The following CACNA1D variants were observed in gnomAD, a reference collection of about 807,000 sequenced individuals.
CACNA1D encodes the protein calcium voltage-gated channel subunit alpha1 D.
In CACNA1D, 55 loss-of-function variants were observed where a neutral mutation model predicts 257.1. That is an observed-to-expected ratio of 0.21 (90% confidence interval 0.17 to 0.27). The LOEUF is 0.27. Ranked by LOEUF, CACNA1D falls within the 10% of genes least tolerant of loss-of-function variation. The pLI is 1.00. For missense variants in CACNA1D, 1,876 were observed against 2,784.0 expected (o/e 0.67, Z 7.34); for synonymous variants, 980 against 1,014.9 (o/e 0.97, Z 0.65).
Position 53,800,885 on chromosome 3 carries a change from C to A in CACNA1D, c.5041-173C>A. On this transcript the variant is annotated intron_variant, in intron 41 of 47. Transcript: ENST00000350061. This position sits in a 1 kb window ranked among gnomAD's most constrained non-coding sequence, Gnocchi z 4.3. Reference sequence around the variant, plus strand: ...GTAACCTTCCTCATCTCGGGGGGACCAACTGCCACACAGTCACATTCACCC... The same window carrying A: ...GTAACCTTCCTCATCTCGGGGGGACAAACTGCCACACAGTCACATTCACCC... The A allele has an allele frequency of 1.5e-6, 1 of 677,232 alleles. No individual in the cohort carries two copies. Among genetic ancestry groups the A allele is most frequent in the Non-Finnish European group, 2.6e-6 (1 of 383,836 alleles). The allele number at this position is 677,232 out of a possible 1,614,324, so 42.0% of individuals were successfully genotyped here.
At chr3:53,532,124 G>A (rs372966809) in intron 3 of CACNA1D, among the ~76,000 whole-genome samples, 11 of 152,240 alleles carry the variant, frequency 7.2e-5, no homozygotes, top group South Asian at 4.2e-4. Flanking sequence ...CTGAATTGTC[G>A]CAAAGTTATG....
In CACNA1D at chr3:53,555,213, G is replaced by A. The variant is rs117865218; in HGVS notation, c.483+53493G>A. ...AGACTTATCAAACATTTAGTGTCAC[G>A]GGCTTGTGAGATGAATCAATGCTGG... On this transcript the variant is annotated intron_variant, in intron 3 of 47. Transcript: ENST00000350061. 8.4e-3 allele frequency among the ~76,000 whole-genome samples: 1,282 copies of A among 152,228 alleles called. 93 individuals are homozygous for A. In the South Asian group the frequency reaches 0.16, roughly 19 times the overall value.
At chr3:53,722,798 A>G (rs1443568782) in intron 12 of CACNA1D, among the ~76,000 whole-genome samples, 1 of 152,144 alleles carries the variant, frequency 6.6e-6, no homozygotes, top group African/African-American at 2.4e-5. Context: ...ATTTTCCCCT[A>G]TAGTACTTCT....
intron 3 of CACNA1D, among the ~76,000 whole-genome samples, chr3:53,581,105 G>A (rs1461420793): frequency 2.6e-5 from 4 of 152,148 alleles, no homozygotes; most frequent in East Asian, 1.9e-4. Flanking sequence ...TCTTGAAGGT[G>A]GTTTATCCAG....
intron 3 of CACNA1D, among the ~76,000 whole-genome samples, chr3:53,527,900 A>G (rs980440460): frequency 6.6e-6 from 1 of 152,244 alleles, no homozygotes; most frequent in Non-Finnish European, 1.5e-5. Context: ...TGATCTGTCC[A>G]TGAGTGTAGG....
At chr3:53,726,847 A>C in intron 14 of CACNA1D, 32 bp from the exon 15 acceptor site, 1 of 1,614,098 alleles carries the variant, frequency 6.2e-7, no homozygotes, top group South Asian at 1.1e-5. Context: ...TTGTGAATCC[A>C]CCTGCTGGCT....
intron 3 of CACNA1D, among the ~76,000 whole-genome samples, chr3:53,505,763 G>T (rs1398056592): frequency 2.0e-5 from 3 of 152,218 alleles, no homozygotes; most frequent in Non-Finnish European, 4.4e-5. Flanking sequence ...TTTCATAGCA[G>T]AGCAGTCTAG....
chr3:53,749,702 T>A (rs1012873633), intron 27 of CACNA1D, among the ~76,000 whole-genome samples: 1 of 152,224 alleles, frequency 6.6e-6, no homozygotes, highest in African/African-American at 2.4e-5. Flanking sequence ...GACCTGGTGG[T>A]ATGAAATCAG....
rs190845011 is a variant in CACNA1D at position 53,793,119 on chromosome 3, C to A, written c.4923+6167C>A. Among the ~76,000 whole-genome samples, 6 of 152,320 alleles carry A rather than the reference C, an allele frequency of 3.9e-5. No homozygotes were observed. The East Asian group carries it at 1.2e-3, about 29-fold the overall frequency. On this transcript the variant is annotated intron_variant, in intron 40 of 47. Transcript: ENST00000350061. This position sits in a 1 kb window ranked among gnomAD's most constrained non-coding sequence, Gnocchi z 4.1. ...GTATCAACCGCTGTTACCCTAGCAC[C>A]TGAGTCTCCTTCCCCACTGCCAGCA... is the stretch of plus-strand genomic sequence containing the variant.
At chr3:53,755,322 TGTGTGTGTGTCA>T (rs1360368076) in intron 29 of CACNA1D, among the ~76,000 whole-genome samples, 2 of 151,666 alleles carry the variant, frequency 1.3e-5, no homozygotes, top group Non-Finnish European at 2.9e-5. Context: ...ATGGTGTGTA[TGTGTGTGTGTCA>T]GTGTGTGTGT....
chr3:53,554,749 A>C (rs1339050127), intron 3 of CACNA1D, among the ~76,000 whole-genome samples: 1 of 152,138 alleles, frequency 6.6e-6, no homozygotes, highest in Non-Finnish European at 1.5e-5. Flanking sequence ...ATTTGTAACC[A>C]CCCAGGGACC....
At chr3:53,630,721 G>T (rs1374104649) in intron 3 of CACNA1D, among the ~76,000 whole-genome samples, 1 of 152,232 alleles carries the variant, frequency 6.6e-6, no homozygotes, top group Non-Finnish European at 1.5e-5. Flanking sequence ...ACAGCTTCTA[G>T]AGTGTTGGAA....
At chr3:53,619,282 C>A (rs545894649) in intron 3 of CACNA1D, among the ~76,000 whole-genome samples, 53 of 152,298 alleles carry the variant, frequency 3.5e-4, no homozygotes, top group African/African-American at 1.3e-3. Context: ...TCTCCTGGCC[C>A]TCAGAAAATT....
rs112508325 is a variant in CACNA1D, at chr3:53,625,938, T to A, written c.484-24841T>A. ...CAACTTTCTGCCTTCAGAGGAGGAG[T>A]GTGTGTGGGGTGCACATCTGAGAAA... is the stretch of plus-strand genomic sequence containing the variant. On this transcript the variant is annotated intron_variant, in intron 3 of 47. Transcript: ENST00000350061. Among the ~76,000 whole-genome samples, 779 of 151,704 alleles carry A rather than the reference T, an allele frequency of 5.1e-3. 6 individuals carry two copies. Among genetic ancestry groups the A allele is most frequent in the African/African-American group, 0.018 (737 of 41,356 alleles).
chr3:53,545,380 G>A (rs184901982), intron 3 of CACNA1D, among the ~76,000 whole-genome samples: 2 of 152,370 alleles, frequency 1.3e-5, no homozygotes, highest in African/African-American at 4.8e-5. Flanking sequence ...GCTCGTGAGA[G>A]AGCATAAGGC....
rs189182953 is a variant in CACNA1D at position 53,667,916 on chromosome 3, G to C, written c.1116+1381G>C. ...CTTTTCATAAAGAGGAAGGAGGAAG[G>C]AGATGATATTGGCTGAGCCAGGGGC... is the stretch of plus-strand genomic sequence containing the variant. On this transcript the variant is annotated intron_variant, in intron 7 of 47. Transcript: ENST00000350061. Among the ~76,000 whole-genome samples, 114 of 151,126 alleles carry C rather than the reference G, an allele frequency of 7.5e-4. No homozygotes were observed. The Middle Eastern group carries it at 0.01, about 14-fold the overall frequency.
intron 3 of CACNA1D, among the ~76,000 whole-genome samples, chr3:53,650,051 C>T (rs2094071858): frequency 6.6e-6 from 1 of 152,210 alleles, no homozygotes; most frequent in Admixed American, 6.5e-5. Flanking sequence ...ATGGGCATGG[C>T]TGCTGGGATG....
At chr3:53,696,360 A>G (rs1316655844) in intron 8 of CACNA1D, among the ~76,000 whole-genome samples, 1 of 152,036 alleles carries the variant, frequency 6.6e-6, no homozygotes, top group Non-Finnish European at 1.5e-5. Flanking sequence ...TGAGGTGCTT[A>G]GGGTAGATTC....
intron 3 of CACNA1D, among the ~76,000 whole-genome samples, chr3:53,558,693 C>A (rs1321358388): frequency 6.6e-6 from 1 of 152,184 alleles, no homozygotes; most frequent in African/African-American, 2.4e-5. Context: ...TGTTCCTCTT[C>A]TTTCTGACCT....
Sources: gnomAD v4.1 joint callset for allele counts (sites outside exome capture counted in the v4.1 genomes callset) on GRCh38, gnomAD v4.1.1 for gene constraint, Gnocchi (gnomAD v3.1) non-coding constraint, MANE v1.5 for transcripts, NCBI Gene and HGNC (gene_info 2026-07-23, HGNC 2026-07-21) for gene names.